Variants in MGAT4C observed in about 807,000 individuals in gnomAD.
The protein encoded by MGAT4C is alpha-1,3-mannosyl-glycoprotein 4-beta-N-acetylglucosaminyltransferase C.
MGAT4C carries 19 observed loss-of-function variants against 40.1 expected under a neutral mutation model. The observed-to-expected ratio is 0.47, with a 90% CI of 0.33 to 0.70. The LOEUF is 0.70. Among genes scored for constraint, MGAT4C ranks in the 30% least tolerant of loss-of-function variants. The pLI is 0.02. For synonymous variants in MGAT4C, 181 were observed against 187.1 expected (o/e 0.97, Z 0.27); for missense variants, 491 against 563.2 (o/e 0.87, Z 1.30).
intron 1 of MGAT4C, among the ~76,000 whole-genome samples, chr12:86,203,626 T>A (rs529122498): frequency 6.6e-6 from 1 of 152,244 alleles, no homozygotes; most frequent in East Asian, 1.9e-4. Context: ...AATGTGGAGC[T>A]CGTCTGTATG....
At chr12:86,422,800 GA>G (rs146690003) in intron 3 of MGAT4C, among the ~76,000 whole-genome samples, 1 of 151,262 alleles carries the variant, frequency 6.6e-6, no homozygotes, top group South Asian at 2.1e-4. Context: ...TTTTATTTTG[GA>G]AAAAAAACAT....
intron 2 of MGAT4C, among the ~76,000 whole-genome samples, chr12:86,725,381 G>A (rs1261907050): frequency 6.6e-6 from 1 of 152,166 alleles, no homozygotes; most frequent in Non-Finnish European, 1.5e-5. Context: ...TTTTGAGTCA[G>A]ACCAGACAAC....
intron 3 of MGAT4C, among the ~76,000 whole-genome samples, chr12:86,377,232 T>C (rs1380468184): frequency 6.6e-6 from 1 of 151,340 alleles, no homozygotes. Context: ...GCTAATTTTG[T>C]ATTTTTAGTA....
intron 2 of MGAT4C, among the ~76,000 whole-genome samples, chr12:86,583,876 T>C (rs983391893): frequency 2.0e-5 from 3 of 151,110 alleles, no homozygotes; most frequent in African/African-American, 2.4e-5. Flanking sequence ...ATCTTGAATA[T>C]TGGGAAATCT....
chr12:86,553,679 G>GT (rs931526235), intron 2 of MGAT4C, among the ~76,000 whole-genome samples: 2 of 152,052 alleles, frequency 1.3e-5, no homozygotes, highest in African/African-American at 4.8e-5. Context: ...ATGACTACAC[G>GT]TTTTTTCTCT....
intron 1 of MGAT4C, among the ~76,000 whole-genome samples, chr12:86,105,947 A>G (rs1467115393): frequency 1.3e-5 from 2 of 152,166 alleles, no homozygotes; most frequent in African/African-American, 4.8e-5. Flanking sequence ...GGGGAGTGAA[A>G]GACAACAAAA....
chr12:86,179,415 G>A (rs1887868016), intron 1 of MGAT4C, among the ~76,000 whole-genome samples: 1 of 152,196 alleles, frequency 6.6e-6, no homozygotes, highest in Admixed American at 6.5e-5. Context: ...AACTGAAAAT[G>A]TGGAAGCAAC....
At chr12:86,758,472 C>T (rs1405730105) in intron 1 of MGAT4C, among the ~76,000 whole-genome samples, 1 of 149,852 alleles carries the variant, frequency 6.7e-6, no homozygotes, top group Non-Finnish European at 1.5e-5. Context: ...TTTTTATTAA[C>T]TCATTAAGTC....
intron 3 of MGAT4C, among the ~76,000 whole-genome samples, chr12:85,984,730 CTCTT>C (rs1260122579): frequency 3.3e-5 from 5 of 151,956 alleles, no homozygotes; most frequent in Admixed American, 2.6e-4. Flanking sequence ...CTCTCTCTCT[CTCTT>C]TTTTTTTCTC....
chr12:86,188,534 C>T (rs948111492), intron 1 of MGAT4C, among the ~76,000 whole-genome samples: 1 of 151,800 alleles, frequency 6.6e-6, no homozygotes, highest in African/African-American at 2.4e-5. Context: ...ATTTAGAATA[C>T]AGAAACATAT....
intron 1 of MGAT4C, among the ~76,000 whole-genome samples, chr12:86,064,106 T>G (rs1894268054): frequency 6.6e-6 from 1 of 152,308 alleles, no homozygotes; most frequent in African/African-American, 2.4e-5. Context: ...CATTCTTCTC[T>G]GCACCTCATC....
At chr12:86,415,352 C>A (rs1956687672) in intron 3 of MGAT4C, among the ~76,000 whole-genome samples, 1 of 151,748 alleles carries the variant, frequency 6.6e-6, no homozygotes, top group African/African-American at 2.4e-5. Flanking sequence ...TATGCTAGAC[C>A]CTATGTTAAT....
intron 1 of MGAT4C, among the ~76,000 whole-genome samples, chr12:86,833,617 A>G (rs1050928677): frequency 6.6e-6 from 1 of 151,810 alleles, no homozygotes; most frequent in East Asian, 1.9e-4. Flanking sequence ...GGCCTACTCT[A>G]ATGACTCCAT....
intron 3 of MGAT4C, among the ~76,000 whole-genome samples, chr12:86,393,472 T>G (rs1351418086): frequency 6.6e-6 from 1 of 152,202 alleles, no homozygotes; most frequent in African/African-American, 2.4e-5. Flanking sequence ...ACAAAATTTT[T>G]TTTCCAATAA....
intron 1 of MGAT4C, among the ~76,000 whole-genome samples, chr12:86,738,602 T>G (rs911737936): frequency 2.0e-5 from 3 of 151,342 alleles, no homozygotes; most frequent in African/African-American, 4.8e-5. Context: ...TCAGTTTACA[T>G]TCATCCAACT....
intron 2 of MGAT4C, among the ~76,000 whole-genome samples, chr12:86,517,652 GTTTA>G (rs376546298): frequency 0.012 from 1,832 of 151,362 alleles, 22 homozygotes; most frequent in East Asian, 0.05. Flanking sequence ...TTGTTTGTTT[GTTTA>G]TTTATTTAGA....
At chr12:86,593,036 C>A (rs1166933118) in intron 2 of MGAT4C, among the ~76,000 whole-genome samples, 2 of 151,756 alleles carry the variant, frequency 1.3e-5, no homozygotes, top group Non-Finnish European at 2.9e-5. Context: ...TTGAAGCTAT[C>A]TTTTGCCTTG....
intron 2 of MGAT4C, among the ~76,000 whole-genome samples, chr12:86,640,798 T>C (rs944052539): frequency 7.9e-5 from 12 of 152,024 alleles, no homozygotes; most frequent in Non-Finnish European, 2.9e-5. Context: ...TTCTGGTATG[T>C]TGTGTCTTTG....
At position 85,970,085 on chromosome 12, in the gene MGAT4C, C is replaced by G. The variant is rs189600733; in HGVS notation, c.*9204G>C. 5 of 151,390 alleles carry G rather than the reference C, an allele frequency of 3.3e-5. No individual in the cohort carries two copies. Among genetic ancestry groups the G allele is most frequent in the African/African-American group, 1.2e-4 (5 of 41,478 alleles). The allele number at this position is 151,390 out of a possible 1,614,324, so 9.4% of individuals were successfully genotyped here. On this transcript the variant is annotated 3_prime_UTR_variant, in exon 5 of 5. Transcript: ENST00000611864. Reference sequence around the variant, plus strand: ...TGGACCTAGATAATTTAGTCTCACTCTGTGGCCTTTACCCTTCAATAAATA... The same window carrying G: ...TGGACCTAGATAATTTAGTCTCACTGTGTGGCCTTTACCCTTCAATAAATA...
Sources: allele counts gnomAD v4.1 joint callset (sites outside exome capture counted in the v4.1 genomes callset), GRCh38; gene constraint gnomAD v4.1.1; transcripts MANE v1.5; gene names NCBI Gene and HGNC (gene_info 2026-07-23, HGNC 2026-07-21).